COMMD10: variants seen among roughly 807,000 people sequenced by gnomAD.
COMMD10 encodes COMM domain containing 10.
A neutral mutation model predicts 28.9 loss-of-function variants in COMMD10; 33 were observed. The observed-to-expected ratio is 1.14, with a 90% CI of 0.87 to 1.53. COMMD10 has a LOEUF of 1.53. COMMD10 is among the 40% of genes most tolerant of loss of function. The probability of loss-of-function intolerance (pLI) is 0.00; values close to 1 mark genes in which losing one functional copy is unlikely to be tolerated. For missense variants in COMMD10, 310 were observed against 233.4 expected, an observed-to-expected ratio of 1.33 and a Z score of -2.14; for synonymous variants, 110 against 81.7, an observed-to-expected ratio of 1.35 and a Z score of -1.87.
At chr5:116,151,988 G>A (rs551361421) in intron 5 of COMMD10, among the ~76,000 whole-genome samples, 2 of 152,212 alleles carry the variant, frequency 1.3e-5, no homozygotes, top group South Asian at 4.1e-4. Flanking sequence ...TCTCTTGTGG[G>A]TATTTAGTGC....
At chr5:116,121,333 A>G (rs1751428226) in intron 4 of COMMD10, among the ~76,000 whole-genome samples, 1 of 152,200 alleles carries the variant, frequency 6.6e-6, no homozygotes, top group African/African-American at 2.4e-5. Context: ...ATGGCTGCAT[A>G]GTATTCCGTG....
chr5:116,163,753 C>T (rs1216026406), intron 5 of COMMD10, among the ~76,000 whole-genome samples: 1 of 152,196 alleles, frequency 6.6e-6, no homozygotes, highest in East Asian at 1.9e-4. Flanking sequence ...GTTATGTCTT[C>T]TTAAACCACT....
intron 4 of COMMD10, among the ~76,000 whole-genome samples, chr5:116,130,668 A>T (rs1215941019): frequency 1.3e-5 from 2 of 151,950 alleles, no homozygotes; most frequent in Non-Finnish European, 2.9e-5. Context: ...GTGACCCAAA[A>T]TATTTAAGTG....
At chr5:116,287,277 T>G (rs1481963662) in intron 5 of COMMD10, among the ~76,000 whole-genome samples, 1 of 151,690 alleles carries the variant, frequency 6.6e-6, no homozygotes, top group Non-Finnish European at 1.5e-5. Context: ...GCATAAATAT[T>G]TATAATTGTT....
At chr5:116,154,660 C>T (rs1416214427) in intron 5 of COMMD10, among the ~76,000 whole-genome samples, 4 of 151,926 alleles carry the variant, frequency 2.6e-5, no homozygotes, top group Non-Finnish European at 5.9e-5. Context: ...AAGTCGTATA[C>T]ATAGGCCACC....
chr5:116,204,946 C>T (rs1748772279), intron 5 of COMMD10, among the ~76,000 whole-genome samples: 1 of 152,080 alleles, frequency 6.6e-6, no homozygotes, highest in Non-Finnish European at 1.5e-5. Context: ...CTCTACCTCC[C>T]ATGGTAAACC....
At chr5:116,132,040 T>G (rs1173393304) in intron 4 of COMMD10, among the ~76,000 whole-genome samples, 4 of 151,902 alleles carry the variant, frequency 2.6e-5, no homozygotes, top group Non-Finnish European at 5.9e-5. Flanking sequence ...TTGGAGAATT[T>G]TAAGAAGGGA....
chr5:116,276,613 AT>A (rs1371639278), intron 5 of COMMD10, among the ~76,000 whole-genome samples: 48 of 151,900 alleles, frequency 3.2e-4, no homozygotes, highest in Non-Finnish European at 4.6e-4. Flanking sequence ...GTCATACATG[AT>A]TTTTTTATTC....
intron 5 of COMMD10, among the ~76,000 whole-genome samples, chr5:116,190,670 A>T (rs762371475): frequency 3.9e-4 from 59 of 152,228 alleles, no homozygotes; most frequent in African/African-American, 5.8e-4. Flanking sequence ...GTTTTGAGGA[A>T]TACCTCTTAT....
intron 5 of COMMD10, among the ~76,000 whole-genome samples, chr5:116,276,102 G>C (rs78061300): frequency 6.6e-6 from 1 of 151,146 alleles, no homozygotes; most frequent in Non-Finnish European, 1.5e-5. Context: ...TGGATAGGAG[G>C]GGGAGAGGAA....
At chr5:116,162,778 G>A (rs1752959970) in intron 5 of COMMD10, among the ~76,000 whole-genome samples, 1 of 152,160 alleles carries the variant, frequency 6.6e-6, no homozygotes, top group Non-Finnish European at 1.5e-5. Context: ...AGACATAGTG[G>A]TAAATGTCTC....
At chr5:116,174,263 A>G (rs952984007) in intron 5 of COMMD10, among the ~76,000 whole-genome samples, 4 of 152,132 alleles carry the variant, frequency 2.6e-5, no homozygotes, top group African/African-American at 9.7e-5. Context: ...TGTGCTTGCT[A>G]AATTCCCAGA....
At chr5:116,176,053 GA>G (rs111673458) in intron 5 of COMMD10, among the ~76,000 whole-genome samples, 3 of 151,092 alleles carry the variant, frequency 2.0e-5, no homozygotes, top group South Asian at 2.1e-4. Flanking sequence ...CCACAATTTA[GA>G]AAAAAAAATG....
intron 5 of COMMD10, among the ~76,000 whole-genome samples, chr5:116,248,807 C>A (rs1392360016): frequency 6.6e-6 from 1 of 151,734 alleles, no homozygotes; most frequent in African/African-American, 2.4e-5. Flanking sequence ...TCTCTTGGAT[C>A]CGGAAATATA....
At chr5:116,235,505 A>T (rs898289065) in intron 5 of COMMD10, among the ~76,000 whole-genome samples, 5 of 152,174 alleles carry the variant, frequency 3.3e-5, no homozygotes, top group Non-Finnish European at 5.9e-5. Flanking sequence ...TCCCTCATTT[A>T]ATTGGAGTAT....
intron 5 of COMMD10, among the ~76,000 whole-genome samples, chr5:116,290,678 A>G (rs1021915545): frequency 6.6e-6 from 1 of 151,910 alleles, no homozygotes; most frequent in East Asian, 1.9e-4. Context: ...ATGTGATTAC[A>G]GCAGTGTGAT....
Position 116,257,901 on chromosome 5 carries a change from C to T in COMMD10, c.511-33616C>T, listed in dbSNP as rs185322246. ...AATTTTCCAAGAATTAATACTTAAG[C>T]TTTTTGAATCACAGTTTTGTATACC... On this transcript the variant is annotated intron_variant, in intron 5 of 6. Transcript: ENST00000274458. 4.0e-5 allele frequency among the ~76,000 whole-genome samples: 6 copies of T among 151,610 alleles called. No homozygotes were observed. The East Asian group carries it at 1.2e-3, about 29-fold the overall frequency.
chr5:116,177,610 C>T (rs1481001636), intron 5 of COMMD10, among the ~76,000 whole-genome samples: 1 of 151,734 alleles, frequency 6.6e-6, no homozygotes, highest in Non-Finnish European at 1.5e-5. Flanking sequence ...TCCCACTTTC[C>T]CATAGTCATC....
rs760274213 is a variant in COMMD10, at chr5:116,292,518, G to A, written c.*29G>A. The A allele has an allele frequency of 3.0e-5, 46 of 1,557,026 alleles. No homozygotes were observed. Among genetic ancestry groups the A allele is most frequent in the East Asian group, 6.9e-5 (3 of 43,456 alleles). On this transcript the variant is annotated 3_prime_UTR_variant, in exon 7 of 7. Transcript: ENST00000274458. Reference sequence around the variant, plus strand: ...TTTCGAAGACTGTTTTTTTCATCACGCTCCTGCCACCTCATTATTTTGCAT... The same window carrying A: ...TTTCGAAGACTGTTTTTTTCATCACACTCCTGCCACCTCATTATTTTGCAT...
Sources: gnomAD v4.1 joint callset for allele counts (sites outside exome capture counted in the v4.1 genomes callset) on GRCh38, gnomAD v4.1.1 for gene constraint, MANE v1.5 for transcripts, NCBI Gene and HGNC (gene_info 2026-07-23, HGNC 2026-07-21) for gene names.